Variants in PARD3B observed in about 807,000 individuals in gnomAD.
The protein encoded by PARD3B is partitioning defective 3 homolog B.
PARD3B carries 103 observed loss-of-function variants against 130.2 expected under a neutral mutation model. That is an observed-to-expected ratio of 0.79 (90% CI 0.67 to 0.93). PARD3B has a LOEUF of 0.93. PARD3B is among the 40% of genes least tolerant of loss of function. PARD3B has a pLI of 0.00. For missense variants in PARD3B, 1,609 were observed against 1,499.2 expected (o/e 1.07, Z -1.21); for synonymous variants, 583 against 553.2 (o/e 1.05, Z -0.76).
intron 15 of PARD3B, among the ~76,000 whole-genome samples, chr2:205,199,783 C>A (rs2036890963): frequency 6.6e-6 from 1 of 152,052 alleles, no homozygotes; most frequent in African/African-American, 2.4e-5. Flanking sequence ...GAAAACTAGA[C>A]AATTTACATC....
intron 2 of PARD3B, among the ~76,000 whole-genome samples, chr2:204,707,933 C>T (rs138192678): frequency 6.6e-6 from 1 of 152,078 alleles, no homozygotes; most frequent in African/African-American, 2.4e-5. Context: ...CGGGGAGACC[C>T]TGGCATGGGA....
At chr2:205,000,445 T>C (rs1371892112) in intron 3 of PARD3B, among the ~76,000 whole-genome samples, 1 of 152,178 alleles carries the variant, frequency 6.6e-6, no homozygotes, top group Non-Finnish European at 1.5e-5. Context: ...TCCCTAAAAA[T>C]TCCATGTTTG....
intron 2 of PARD3B, among the ~76,000 whole-genome samples, chr2:204,897,378 A>G (rs539259378): frequency 9.3e-6 from 1 of 107,744 alleles, no homozygotes; most frequent in Admixed American, 1.2e-4. Flanking sequence ...TTAAACCTGT[A>G]GGTACTGTTT....
At chr2:204,836,407 A>G (rs970742191) in intron 2 of PARD3B, among the ~76,000 whole-genome samples, 11 of 152,302 alleles carry the variant, frequency 7.2e-5, no homozygotes, top group South Asian at 6.2e-4. Flanking sequence ...TCAGGCTTGT[A>G]ATCCTAGCAC....
chr2:205,193,473 T>G (rs1421658368), intron 15 of PARD3B, among the ~76,000 whole-genome samples, 153 bp downstream of exon 15: 1 of 152,214 alleles, frequency 6.6e-6, no homozygotes, highest in South Asian at 2.1e-4. Flanking sequence ...CACCTTCCTA[T>G]CTCTTCGCAC....
chr2:205,174,030 G>A (rs2035324130), intron 12 of PARD3B, among the ~76,000 whole-genome samples: 1 of 152,208 alleles, frequency 6.6e-6, no homozygotes, highest in Admixed American at 6.5e-5. Flanking sequence ...TAACATACCT[G>A]TGCAGATAGC....
chr2:205,010,103 A>C (rs746518491), intron 3 of PARD3B, among the ~76,000 whole-genome samples: 5 of 152,186 alleles, frequency 3.3e-5, no homozygotes, highest in Non-Finnish European at 5.9e-5. Context: ...TTAAACAACA[A>C]TACTGTTAAC....
chr2:205,168,314 A>AGTGTGT (rs374509521), intron 11 of PARD3B, among the ~76,000 whole-genome samples: 15 of 137,948 alleles, frequency 1.1e-4, no homozygotes, highest in East Asian at 2.0e-4. Flanking sequence ...AGAGAGAGAG[A>AGTGTGT]GAGAGAGTGT....
chr2:205,126,783 A>AAAAAAAAAAC (rs2031476844), intron 10 of PARD3B, among the ~76,000 whole-genome samples: 1 of 139,720 alleles, frequency 7.2e-6, no homozygotes, highest in African/African-American at 2.5e-5. Flanking sequence ...AAAAAAAAAA[A>AAAAAAAAAAC]AAAATTGATA....
intron 2 of PARD3B, among the ~76,000 whole-genome samples, chr2:204,761,819 T>C (rs1444860187): frequency 6.6e-6 from 1 of 152,120 alleles, no homozygotes; most frequent in East Asian, 1.9e-4. Context: ...GACATGTAAA[T>C]AGTTATAAGC....
intron 4 of PARD3B, among the ~76,000 whole-genome samples, chr2:205,074,551 C>T (rs967157484): frequency 7.9e-5 from 12 of 152,154 alleles, no homozygotes; most frequent in Admixed American, 2.0e-4. Flanking sequence ...TTGCTCTGCC[C>T]TCTATGTCAT....
intron 21 of PARD3B, among the ~76,000 whole-genome samples, chr2:205,521,748 G>GT (rs1575237813): frequency 6.6e-6 from 1 of 151,324 alleles, no homozygotes; most frequent in Admixed American, 6.6e-5. Context: ...AAGTACGTTT[G>GT]TTTTTTTGTT....
chr2:205,420,169 G>A (rs1039215087), intron 19 of PARD3B, among the ~76,000 whole-genome samples: 2 of 152,176 alleles, frequency 1.3e-5, no homozygotes, highest in African/African-American at 4.8e-5. Flanking sequence ...AAAAGAAGCT[G>A]TGTTTATGCT....
intron 2 of PARD3B, among the ~76,000 whole-genome samples, chr2:204,829,256 T>A (rs551659422): frequency 4.6e-5 from 7 of 152,222 alleles, no homozygotes; most frequent in Non-Finnish European, 8.8e-5. Context: ...ATGACTATTA[T>A]GTGCTAGGAA....
intron 7 of PARD3B, among the ~76,000 whole-genome samples, chr2:205,120,713 GC>G (rs542623875): frequency 1.9e-3 from 292 of 152,316 alleles, no homozygotes; most frequent in Non-Finnish European, 3.1e-3. Context: ...GCACAAGATG[GC>G]TGCTGAGTTT....
intron 21 of PARD3B, among the ~76,000 whole-genome samples, chr2:205,502,643 T>C (rs1041718360): frequency 1.3e-5 from 2 of 152,042 alleles, no homozygotes; most frequent in African/African-American, 2.4e-5. Flanking sequence ...ACTTCTGAAC[T>C]ATGGAGAAGG....
At chr2:205,327,894 A>G (rs545583355) in intron 18 of PARD3B, among the ~76,000 whole-genome samples, 19 of 152,346 alleles carry the variant, frequency 1.2e-4, no homozygotes, top group African/African-American at 4.6e-4. Context: ...ATAACTCAGA[A>G]TCACTAAGTT....
chr2:205,561,701 C>A (rs1012679457), intron 22 of PARD3B, among the ~76,000 whole-genome samples: 3 of 152,192 alleles, frequency 2.0e-5, no homozygotes, highest in Non-Finnish European at 4.4e-5. Context: ...ATCCGAAGAA[C>A]CTTCCTCACT....
At chr2:204,661,642 A>G (rs577259742) in intron 1 of PARD3B, among the ~76,000 whole-genome samples, 2 of 152,300 alleles carry the variant, frequency 1.3e-5, no homozygotes, top group South Asian at 2.1e-4. Flanking sequence ...ATATTTATCA[A>G]TATTTTGGAT....
Sources: allele counts gnomAD v4.1 joint callset (sites outside exome capture counted in the v4.1 genomes callset), GRCh38; gene constraint gnomAD v4.1.1; transcripts MANE v1.5; gene names NCBI Gene and HGNC (gene_info 2026-07-23, HGNC 2026-07-21).